Variants in CLSTN2 observed in about 807,000 individuals in gnomAD.
CLSTN2 encodes calsyntenin-2.
In CLSTN2, 48 loss-of-function variants were observed where a neutral mutation model predicts 101.2. That is an observed-to-expected ratio of 0.47 (90% CI 0.38 to 0.60). The LOEUF is 0.60. Among genes scored for constraint, CLSTN2 ranks in the 20% least tolerant of loss-of-function variants. The probability of loss-of-function intolerance (pLI) is 0.00; values close to 1 mark genes in which losing one functional copy is unlikely to be tolerated. For synonymous variants in CLSTN2, 481 were observed against 463.6 expected, an observed-to-expected ratio of 1.04 and a Z score of -0.48; for missense variants, 1,160 against 1,238.2, an observed-to-expected ratio of 0.94 and a Z score of 0.95.
chr3:140,031,358 G>C (rs1362991011), intron 1 of CLSTN2, among the ~76,000 whole-genome samples: 1 of 152,318 alleles, frequency 6.6e-6, no homozygotes, highest in East Asian at 1.9e-4. Context: ...TTCCTGGGAT[G>C]GTTGAGGCAT....
At position 140,010,412 on chromosome 3, in the gene CLSTN2, G is replaced by C. The variant is rs4683786; in HGVS notation, c.109+74929G>C. Among the ~76,000 whole-genome samples the C allele has an allele frequency of 3.3e-5, 5 of 152,078 alleles. No individual in the cohort carries two copies. The East Asian group carries it at 9.6e-4, about 29-fold the overall frequency. ...GTGTGTTCCATGTTCCCAGAAATTC[G>C]TCTTTCCATTTCTAGGGCTGGCCTG... On this transcript the variant is annotated intron_variant, in intron 1 of 16. Transcript: ENST00000458420.
At chr3:140,346,012 C>G (rs1336083638) in intron 2 of CLSTN2, among the ~76,000 whole-genome samples, 2 of 152,180 alleles carry the variant, frequency 1.3e-5, no homozygotes, top group Non-Finnish European at 2.9e-5. Context: ...CATGCTGGGT[C>G]TCCATCCAGA....
At chr3:140,070,933 C>A (rs928548212) in intron 1 of CLSTN2, among the ~76,000 whole-genome samples, 1 of 152,074 alleles carries the variant, frequency 6.6e-6, no homozygotes, top group Non-Finnish European at 1.5e-5. Flanking sequence ...ATTATCCATC[C>A]CTTTAAGAAA....
intron 1 of CLSTN2, among the ~76,000 whole-genome samples, chr3:139,967,955 C>T (rs1289815560): frequency 6.6e-6 from 1 of 151,906 alleles, no homozygotes; most frequent in African/African-American, 2.4e-5. Context: ...CTCTGAGGTC[C>T]CATAGTCTCA....
In CLSTN2 at chr3:140,562,875, G is replaced by A. The variant is rs372158231; in HGVS notation, c.2277G>A (p.Pro759=). The A allele has an allele frequency of 3.0e-5, 49 of 1,613,978 alleles. No homozygotes were observed. Among genetic ancestry groups the A allele is most frequent in the Non-Finnish European group, 3.7e-5 (44 of 1,180,022 alleles). The change falls in exon 14 of 17, where the codon CCG becomes CCA. Residue 759 remains proline, a synonymous_variant. Transcript: ENST00000458420. ...ACATCCGCTACCGCAACTGGCGTCC[G>A]GCTTCCCTTGAGGCCCGGCGTTTCC... ...LHHIRYRNWR[P]ASLEARRFRI... is the part of the protein sequence containing the mutation.
intron 8 of CLSTN2, among the ~76,000 whole-genome samples, chr3:140,527,815 A>G (rs1196638428): frequency 2.0e-5 from 3 of 152,184 alleles, no homozygotes; most frequent in Non-Finnish European, 4.4e-5. Context: ...ATTAACACAA[A>G]AAAAGAAAAC....
At chr3:140,495,530 C>T (rs996620091) in intron 8 of CLSTN2, among the ~76,000 whole-genome samples, 2 of 152,182 alleles carry the variant, frequency 1.3e-5, no homozygotes, top group African/African-American at 4.8e-5. Flanking sequence ...GTCATGAAAT[C>T]TTTGCCCATG....
chr3:140,024,532 T>A (rs1310573181), intron 1 of CLSTN2, among the ~76,000 whole-genome samples: 3 of 152,242 alleles, frequency 2.0e-5, no homozygotes, highest in Non-Finnish European at 4.4e-5. Context: ...CTAGGCAGTC[T>A]CGGCCTGGCC....
intron 2 of CLSTN2, among the ~76,000 whole-genome samples, chr3:140,366,326 G>A (rs971520823): frequency 6.6e-6 from 1 of 152,240 alleles, no homozygotes. Context: ...CCCCAGCCTA[G>A]AGCAATCAGT....
At position 140,381,879 on chromosome 3, in the gene CLSTN2, G is replaced by A. The variant is rs116333093; in HGVS notation, c.233-21750G>A. ...GTCTGCCAAATATTGGAAAACAAGG[G>A]TTCTTCAAAGAATAAATCTGGGGTC... On this transcript the variant is annotated intron_variant, in intron 2 of 16. Coordinates refer to ENST00000458420, the MANE Select transcript of CLSTN2 (RefSeq NM_022131.3). 4.7e-3 allele frequency among the ~76,000 whole-genome samples: 717 copies of A among 152,328 alleles called. 9 individuals carry two copies. The highest frequency in any genetic ancestry group is 0.016 in the African/African-American group (678 of 41,562).
At chr3:140,362,245 A>G (rs1264119522) in intron 2 of CLSTN2, among the ~76,000 whole-genome samples, 1 of 152,206 alleles carries the variant, frequency 6.6e-6, no homozygotes, top group East Asian at 1.9e-4. Context: ...TAGTGCTAGT[A>G]TAATATATCC....
chr3:140,417,397 G>A (rs2088443828), intron 4 of CLSTN2, among the ~76,000 whole-genome samples: 1 of 151,952 alleles, frequency 6.6e-6, no homozygotes, highest in African/African-American at 2.4e-5. Context: ...TTTTAGAGGA[G>A]GAATTGCACT....
chr3:140,452,112 G>T (rs1193442746), intron 6 of CLSTN2, among the ~76,000 whole-genome samples: 1 of 152,150 alleles, frequency 6.6e-6, no homozygotes, highest in Admixed American at 6.5e-5. Flanking sequence ...ACCAGAGCCA[G>T]GTATCCAGGA....
Position 139,935,239 on chromosome 3 carries a change from C to G in CLSTN2, c.-136C>G. 1 of 392,822 alleles carries G rather than the reference C, an allele frequency of 2.5e-6. No individual in the cohort carries two copies. The highest frequency in any genetic ancestry group is 7.0e-4 in the Middle Eastern group (1 of 1,434). 24.3% of individuals were successfully genotyped at this position (392,822 alleles called of 1,614,324 possible). On this transcript the variant is annotated 5_prime_UTR_variant, in exon 1 of 17. Coordinates refer to ENST00000458420, the MANE Select transcript of CLSTN2 (RefSeq NM_022131.3). This position sits in a 1 kb window ranked among gnomAD's most constrained non-coding sequence, Gnocchi z 5.5. ...CGGCGCAGCGGCGGGAACCCGAGGC[C>G]GAGCGCCGCGGCGGCAGCGCTAGAA...
intron 2 of CLSTN2, among the ~76,000 whole-genome samples, chr3:140,192,706 A>G (rs1450345104): frequency 6.6e-6 from 1 of 151,464 alleles, no homozygotes; most frequent in Admixed American, 6.6e-5. Flanking sequence ...GTTGAAGTAA[A>G]TTTTTTGTTA....
At chr3:140,074,297 A>AC (rs563117314) in intron 1 of CLSTN2, among the ~76,000 whole-genome samples, 91 of 150,374 alleles carry the variant, frequency 6.1e-4, no homozygotes, top group Non-Finnish European at 9.6e-4. Context: ...GCCTCCCCCC[A>AC]CCCCCCAACA....
intron 2 of CLSTN2, among the ~76,000 whole-genome samples, chr3:140,294,330 T>C (rs1267024699): frequency 6.6e-6 from 1 of 152,212 alleles, no homozygotes; most frequent in Non-Finnish European, 1.5e-5. Context: ...GGTTTATTTA[T>C]CCATGAATTA....
At position 140,567,958 on chromosome 3, in the gene CLSTN2, C is replaced by G. The variant is rs1317370882; in HGVS notation, c.*1705C>G. 1 of 152,240 alleles carries G rather than the reference C, an allele frequency of 6.6e-6. No homozygotes were observed. Among genetic ancestry groups the G allele is most frequent in the Non-Finnish European group, 1.5e-5 (1 of 68,054 alleles). The allele number at this position is 152,240 out of a possible 1,614,324, so 9.4% of individuals were successfully genotyped here. Reference sequence around the variant, plus strand: ...AACCTTGTGAAGCTTTTCCCACCTCCTAAAGTGTTTTCTGCATCTGTTCCT... The same window carrying G: ...AACCTTGTGAAGCTTTTCCCACCTCGTAAAGTGTTTTCTGCATCTGTTCCT... On this transcript the variant is annotated 3_prime_UTR_variant, in exon 17 of 17. Coordinates refer to ENST00000458420, the MANE Select transcript of CLSTN2 (RefSeq NM_022131.3).
chr3:140,150,337 C>G (rs1463926002), intron 1 of CLSTN2, among the ~76,000 whole-genome samples: 4 of 152,126 alleles, frequency 2.6e-5, no homozygotes, highest in African/African-American at 4.8e-5. Context: ...GCAACTCTCA[C>G]CAAGTCTCAG....
Sources: gnomAD v4.1 joint callset for allele counts (sites outside exome capture counted in the v4.1 genomes callset) on GRCh38, gnomAD v4.1.1 for gene constraint, Gnocchi (gnomAD v3.1) non-coding constraint, MANE v1.5 for transcripts, NCBI Gene and HGNC (gene_info 2026-07-23, HGNC 2026-07-21) for gene names.